Variants in XPR1 observed in about 807,000 individuals in gnomAD.
XPR1 encodes the protein solute carrier family 53 member 1.
A neutral mutation model predicts 87.5 loss-of-function variants in XPR1; 28 were observed. The ratio of observed to expected loss-of-function variants is 0.32; its 90% confidence interval spans 0.24 to 0.44. The LOEUF (loss-of-function observed/expected upper bound fraction) is 0.44, where lower values mean the gene tolerates loss of function less well. Ranked by LOEUF, XPR1 falls within the 20% of genes least tolerant of loss-of-function variation. XPR1 has a pLI of 1.00. For missense variants in XPR1, 559 were observed against 862.3 expected (o/e 0.65, Z 4.41); for synonymous variants, 300 against 306.1 (o/e 0.98, Z 0.21).
chr1:180,711,567 C>T (rs145186226), intron 2 of XPR1, among the ~76,000 whole-genome samples: 438 of 151,758 alleles, frequency 2.9e-3, no homozygotes, highest in African/African-American at 9.9e-3. Context: ...GGGGGCAGTA[C>T]AGTCCAGCTT....
Position 180,806,560 on chromosome 1 carries a change from T to C in XPR1, c.681+3T>C. The C allele has an allele frequency of 6.2e-7, 1 of 1,609,338 alleles. No individual in the cohort carries two copies. The highest frequency in any genetic ancestry group is 8.5e-7 in the Non-Finnish European group (1 of 1,176,748). On this transcript the variant is annotated splice_donor_region_variant and intron_variant, in intron 6 of 14. Transcript: ENST00000367590. ...TCCCCCCTTTGGGAGCTGCTCAGGTTAGTATTTGGTTCCAGTAGTTTGTTT... is the reference window on the plus strand; with the variant it reads ...TCCCCCCTTTGGGAGCTGCTCAGGTCAGTATTTGGTTCCAGTAGTTTGTTT...
At chr1:180,664,546 C>A (rs1207655660) in intron 1 of XPR1, among the ~76,000 whole-genome samples, 3 of 152,164 alleles carry the variant, frequency 2.0e-5, no homozygotes, top group Non-Finnish European at 4.4e-5. Context: ...CTCTTCCCTA[C>A]CCTCTCTTCA....
chr1:180,749,617 A>G (rs1647440637), intron 2 of XPR1, among the ~76,000 whole-genome samples: 1 of 139,486 alleles, frequency 7.2e-6, no homozygotes, highest in Non-Finnish European at 1.6e-5. Context: ...TATCAGTAAA[A>G]TTTATAATAA....
At chr1:180,702,723 T>C (rs976103667) in intron 2 of XPR1, among the ~76,000 whole-genome samples, 1 of 152,166 alleles carries the variant, frequency 6.6e-6, no homozygotes, top group Non-Finnish European at 1.5e-5. Flanking sequence ...TTTATCTGTG[T>C]TCTCATTGAG....
rs1656494252 is a variant in XPR1, at chr1:180,679,615, T to C, written c.70-2745T>C. ...GATAGATACAGAGAACTATTTCTCATTCTTGTTCCCCAATGACTTATTGAG... is the reference window on the plus strand; with the variant it reads ...GATAGATACAGAGAACTATTTCTCACTCTTGTTCCCCAATGACTTATTGAG... On this transcript the variant is annotated intron_variant, in intron 1 of 14. Transcript: ENST00000367590. 2.6e-5 allele frequency among the ~76,000 whole-genome samples: 4 copies of C among 152,238 alleles called. No individual in the cohort carries two copies. The South Asian group carries it at 6.2e-4, about 24-fold the overall frequency.
intron 11 of XPR1, among the ~76,000 whole-genome samples, chr1:180,845,337 G>A (rs1651641680): frequency 6.6e-6 from 1 of 152,028 alleles, no homozygotes; most frequent in Admixed American, 6.6e-5. Context: ...AGAGAATTGG[G>A]CAAAAATGAA....
At chr1:180,874,790 A>G (rs963251466) in intron 13 of XPR1, among the ~76,000 whole-genome samples, 1 of 152,218 alleles carries the variant, frequency 6.6e-6, no homozygotes, top group African/African-American at 2.4e-5. Flanking sequence ...CACTAACACT[A>G]CCTTTGCACT....
rs1258711178 is a variant in XPR1 at position 180,840,566 on chromosome 1, G to GTGTGTA, written c.1501+3851_1501+3852insGTGTAT. 6.8e-3 allele frequency among the ~76,000 whole-genome samples: 925 copies of GTGTGTA among 136,306 alleles called. 5 individuals are homozygous for GTGTGTA. Among genetic ancestry groups the GTGTGTA allele is most frequent in the East Asian group, 0.035 (144 of 4,160 alleles). The allele number at this position is 136,306 out of a possible 152,430, so 89.4% of individuals were successfully genotyped here. ...TGTGTGTGTGTGTGTGTGTGTGTGTGTATATATATATATATATATATATAA... is the reference window on the plus strand; with the variant it reads ...TGTGTGTGTGTGTGTGTGTGTGTGTGTGTGTATATATATATATATATATATATATAA... On this transcript the variant is annotated intron_variant, in intron 11 of 14. Coordinates refer to ENST00000367590, the MANE Select transcript of XPR1 (RefSeq NM_004736.4).
At chr1:180,702,192 G>C (rs1476173963) in intron 2 of XPR1, among the ~76,000 whole-genome samples, 1 of 93,504 alleles carries the variant, frequency 1.1e-5, no homozygotes, top group Non-Finnish European at 2.1e-5. Flanking sequence ...ATTTCGTTAT[G>C]TACCCAGTAG....
chr1:180,744,069 T>A (rs1275644577), intron 2 of XPR1, among the ~76,000 whole-genome samples: 1 of 152,212 alleles, frequency 6.6e-6, no homozygotes, highest in South Asian at 2.1e-4. Context: ...ATGTACTGCA[T>A]TCTATTTCTT....
chr1:180,765,446 G>A (rs774377933), intron 2 of XPR1, among the ~76,000 whole-genome samples: 1 of 152,084 alleles, frequency 6.6e-6, no homozygotes, highest in East Asian at 1.9e-4. Context: ...CTGACTACTA[G>A]ATCTTTCTTA....
chr1:180,831,948 T>C (rs1281849539), intron 9 of XPR1, among the ~76,000 whole-genome samples: 1 of 152,196 alleles, frequency 6.6e-6, no homozygotes, highest in African/African-American at 2.4e-5. Context: ...TATTTCTGGT[T>C]CTAGATCCTT....
chr1:180,652,996 G>A (rs1260764404), intron 1 of XPR1, among the ~76,000 whole-genome samples: 1 of 152,176 alleles, frequency 6.6e-6, no homozygotes, highest in Admixed American at 6.5e-5. Context: ...CACTCAAATG[G>A]TTTGCAATTT....
At chr1:180,660,447 T>A (rs1043716665) in intron 1 of XPR1, among the ~76,000 whole-genome samples, 1 of 152,146 alleles carries the variant, frequency 6.6e-6, no homozygotes, top group Non-Finnish European at 1.5e-5. Flanking sequence ...AATAGGTTAT[T>A]TGAAGTTTTT....
rs753235095 is a variant in XPR1, at chr1:180,831,362, CT to C, written c.1135-3493del. Among the ~76,000 whole-genome samples, 91 of 115,496 alleles carry C rather than the reference CT, an allele frequency of 7.9e-4. 1 individual carries two copies. Among genetic ancestry groups the C allele is most frequent in the East Asian group, 2.5e-3 (10 of 4,040 alleles). The allele number at this position is 115,496 out of a possible 152,430, so 75.8% of individuals were successfully genotyped here. On this transcript the variant is annotated intron_variant, in intron 9 of 14. Transcript: ENST00000367590. The stretch of plus-strand genomic sequence containing the variant: ...TTGCTTTCTATTTTCTTTTCTTTTT[CT>C]TTTTTTTTTTTTTTTTTTGATAACA...
At chr1:180,876,972 A>G (rs959289033) in intron 13 of XPR1, among the ~76,000 whole-genome samples, 1 of 152,254 alleles carries the variant, frequency 6.6e-6, no homozygotes, top group Non-Finnish European at 1.5e-5. Flanking sequence ...GAAAATTCAA[A>G]ATAGTTTACA....
intron 12 of XPR1, 117 bp from the exon 13 acceptor site, chr1:180,873,686 G>T: frequency 9.0e-7 from 1 of 1,115,078 alleles, no homozygotes; most frequent in Non-Finnish European, 1.3e-6. Flanking sequence ...TTCCTCTTGA[G>T]CCTGTGCTTA....
At chr1:180,680,940 G>A (rs576006703) in intron 1 of XPR1, among the ~76,000 whole-genome samples, 2 of 152,334 alleles carry the variant, frequency 1.3e-5, no homozygotes, top group East Asian at 3.9e-4. Flanking sequence ...ATTAGGTTAA[G>A]TGAAATAAGC....
At chr1:180,830,378 A>C (rs747712238) in intron 9 of XPR1, among the ~76,000 whole-genome samples, 1 of 152,190 alleles carries the variant, frequency 6.6e-6, no homozygotes, top group Non-Finnish European at 1.5e-5. Context: ...AATGTCTCAA[A>C]GCCTGTATGA....
Sources: gnomAD v4.1 joint callset for allele counts (sites outside exome capture counted in the v4.1 genomes callset) on GRCh38, gnomAD v4.1.1 for gene constraint, MANE v1.5 for transcripts, NCBI Gene and HGNC (gene_info 2026-07-23, HGNC 2026-07-21) for gene names.